The following SRPRA variants were observed in gnomAD, a reference collection of about 807,000 sequenced individuals.
SRPRA encodes SRP receptor subunit alpha.
Under a neutral mutation model 61.1 loss-of-function variants are expected in SRPRA, and 30 were observed. That is an observed-to-expected ratio of 0.49 (90% CI 0.37 to 0.67). The LOEUF (loss-of-function observed/expected upper bound fraction) is 0.67, where lower values mean the gene tolerates loss of function less well. SRPRA is among the 30% of genes least tolerant of loss of function. The pLI is 0.00. For synonymous variants in SRPRA, 324 were observed against 299.7 expected, an observed-to-expected ratio of 1.08 and a Z score of -0.84; for missense variants, 759 against 828.4, an observed-to-expected ratio of 0.92 and a Z score of 1.03.
chr11:126,264,216 G>C lies in SRPRA; in HGVS notation c.1763C>G (p.Thr588Ser). Residue 588 changes from threonine (T) to serine (S), a missense_variant, in exon 13 of 14, where the codon ACC (threonine) becomes AGC (serine). Around this residue, in one of 2 missense-constraint regions of SRPRA, gnomAD observed 284 missense variants for 365.9 expected, o/e 0.78. Transcript: ENST00000332118. This position sits in a 1 kb window ranked among gnomAD's most constrained non-coding sequence, Gnocchi z 5.0. ...CTTGTCATCAATGGTATCAAATTTG[G>C]TAAGAACAATGCCATCAATGAGCCG... ...TPRLIDGIVL[T>S]KFDTIDDKVG... is the part of the protein sequence containing the mutation. The C allele has an allele frequency of 6.2e-7, 1 of 1,614,078 alleles. No individual in the cohort carries two copies.
In SRPRA at chr11:126,266,520, T is replaced by C; in HGVS notation, c.796A>G (p.Thr266Ala). ...KEVLDYSTPT[T>A]NGTPEAALSE... ...AAGGCAGCCTCAGGGGTTCCATTGG[T>C]GGTGGGAGTACTGTAATCCAACACT... is the stretch of plus-strand genomic sequence containing the variant. Residue 266 changes from threonine (T) to alanine (A), a missense_variant, in exon 6 of 14, where the codon ACC becomes GCC. Around this residue, in one of 2 missense-constraint regions of SRPRA, gnomAD observed 475 missense variants for 462.5 expected, o/e 1.03. Coordinates refer to ENST00000332118, the MANE Select transcript of SRPRA (RefSeq NM_003139.4). 3.1e-6 allele frequency: 5 copies of C among 1,614,192 alleles called. No homozygotes were observed. Among genetic ancestry groups the C allele is most frequent in the Non-Finnish European group, 4.2e-6 (5 of 1,180,024 alleles).
chr11:126,266,973 T>C, intron 4 of SRPRA, 51 bp from the exon 5 acceptor site: 1 of 1,582,804 alleles, frequency 6.3e-7, no homozygotes, highest in Non-Finnish European at 8.6e-7. Flanking sequence ...TCCCAACCAC[T>C]AGACAATGGC....
Position 126,263,740 on chromosome 11 carries a change from C to T in SRPRA, c.*176G>A. 1.1e-6 allele frequency: 1 copy of T among 905,230 alleles called. No individual in the cohort carries two copies. The highest frequency in any genetic ancestry group is 1.7e-6 in the Non-Finnish European group (1 of 598,474). The allele number at this position is 905,230 out of a possible 1,614,324, so 56.1% of individuals were successfully genotyped here. ...GTGATTGTAACATGATTAGGCCTTCCTTGCAGATGGCGGCTGTGCTGAACG... is the reference window on the plus strand; with the variant it reads ...GTGATTGTAACATGATTAGGCCTTCTTTGCAGATGGCGGCTGTGCTGAACG... On this transcript the variant is annotated 3_prime_UTR_variant, in exon 14 of 14. Coordinates refer to ENST00000332118, the MANE Select transcript of SRPRA (RefSeq NM_003139.4).
Position 126,268,729 on chromosome 11 carries a change from T to C in SRPRA, c.76A>G (p.Thr26Ala), listed in dbSNP as rs1950877820. ...WCFQGVSDSC[T>A]GPVNALIRSV... ...CGAATCAACGCGTTAACGGGTCCGG[T>C]GCATGAGTCGCTAACGCCCTGGAAG... Residue 26 changes from threonine (T) to alanine (A), a missense_variant, in exon 1 of 14, where the codon ACC (threonine) becomes GCC (alanine). This residue lies in a region of SRPRA where 475 missense variants were observed against 462.5 expected (regional missense o/e 1.03). Transcript: ENST00000332118. 6.2e-7 allele frequency: 1 copy of C among 1,613,814 alleles called. No individual in the cohort carries two copies. The highest frequency in any genetic ancestry group is 8.5e-7 in the Non-Finnish European group (1 of 1,180,022).
chr11:126,267,263 C>T lies in SRPRA; in HGVS notation c.438G>A (p.Lys146=). 6.2e-7 allele frequency: 1 copy of T among 1,614,104 alleles called. No homozygotes were observed. The highest frequency in any genetic ancestry group is 8.5e-7 in the Non-Finnish European group (1 of 1,180,030). Residue 146 remains lysine, a synonymous_variant, in exon 4 of 14, where the codon AAG becomes AAA. Transcript: ENST00000332118. This position sits in a 1 kb window ranked among gnomAD's most constrained non-coding sequence, Gnocchi z 4.2. ...TCTCAATCATGGACCTCACAGGTTT[C>T]TTGGCCTTTTCAGAATCTTCAAATT... The part of the protein sequence containing the change: ...MKKFEDSEKA[K]KPVRSMIETR...
Sources: allele counts gnomAD v4.1 joint callset, GRCh38; gene constraint gnomAD v4.1.1; regional missense constraint gnomAD v4.1.1; non-coding constraint Gnocchi (gnomAD v3.1); transcripts MANE v1.5; gene names NCBI Gene and HGNC (gene_info 2026-07-23, HGNC 2026-07-21).